The following SPMIP7 variants were observed in gnomAD, a reference collection of about 807,000 sequenced individuals.
SPMIP7 encodes the protein sperm microtubule inner protein 7, also known as protein SPMIP7.
chr7:50,132,153 A>G, the SPMIP7 span, among the ~76,000 whole-genome samples: 1 of 152,168 alleles, frequency 6.6e-6, no homozygotes. Context: ...AGTCTTGTTC[A>G]TCAGCCATCT....
At chr7:50,113,448 T>C in the SPMIP7 span, among the ~76,000 whole-genome samples, 3 of 152,170 alleles carry the variant, frequency 2.0e-5, no homozygotes, top group Non-Finnish European at 4.4e-5. Context: ...CTGTTTCATA[T>C]GTTCAGATCA....
the SPMIP7 span, among the ~76,000 whole-genome samples, chr7:50,120,913 T>C: frequency 6.6e-6 from 1 of 152,208 alleles, no homozygotes; most frequent in Non-Finnish European, 1.5e-5. Flanking sequence ...CTTTATTGCC[T>C]GAATTTTGAA....
the SPMIP7 span, among the ~76,000 whole-genome samples, chr7:50,105,680 C>G: frequency 6.6e-6 from 1 of 152,126 alleles, no homozygotes; most frequent in Non-Finnish European, 1.5e-5. Flanking sequence ...TTTCTTTGTC[C>G]TGTGCATTTT....
At chr7:50,136,467 A>AT in the SPMIP7 span, among the ~76,000 whole-genome samples, 127,080 of 152,074 alleles carry the variant, frequency 0.84, 53,149 homozygotes, top group East Asian at 0.92. Context: ...GGAGGCAGAG[A>AT]TGCAGTGAGC....
chr7:50,148,183 G>T, the SPMIP7 span, among the ~76,000 whole-genome samples: 87 of 152,352 alleles, frequency 5.7e-4, no homozygotes, highest in Non-Finnish European at 2.5e-4. Flanking sequence ...TTTAGAAGCA[G>T]TGTGGGTGAG....
chr7:50,132,646 G>A, the SPMIP7 span, among the ~76,000 whole-genome samples: 1 of 152,044 alleles, frequency 6.6e-6, no homozygotes, highest in East Asian at 1.9e-4. Context: ...TACAATACTA[G>A]TCAGATATGG....
chr7:50,097,409 G>A, the SPMIP7 span, among the ~76,000 whole-genome samples: 1 of 152,284 alleles, frequency 6.6e-6, no homozygotes, highest in East Asian at 1.9e-4. Context: ...AGCTAACATA[G>A]GGCTAAAATG....
the SPMIP7 span, among the ~76,000 whole-genome samples, chr7:50,116,624 T>A: frequency 6.6e-6 from 1 of 152,212 alleles, no homozygotes; most frequent in Non-Finnish European, 1.5e-5. Context: ...AATATGCTAT[T>A]ATCTGGAATG....
the SPMIP7 span, among the ~76,000 whole-genome samples, chr7:50,111,225 GAGTGGT>G: frequency 1.3e-5 from 2 of 151,730 alleles, no homozygotes; most frequent in Non-Finnish European, 2.9e-5. Flanking sequence ...CTGTGGATAA[GAGTGGT>G]TGTTTAACAG....
the SPMIP7 span, among the ~76,000 whole-genome samples, chr7:50,114,529 A>T: frequency 1.3e-5 from 2 of 152,136 alleles, no homozygotes; most frequent in Non-Finnish European, 2.9e-5. Context: ...AAAAATTTTT[A>T]AAGCATATGT....
the SPMIP7 span, among the ~76,000 whole-genome samples, chr7:50,134,612 G>A: frequency 1.3e-5 from 2 of 152,192 alleles, no homozygotes; most frequent in African/African-American, 4.8e-5. Flanking sequence ...AACCTATGCT[G>A]AAGATGGTTC....
the SPMIP7 span, among the ~76,000 whole-genome samples, chr7:50,152,413 C>T: frequency 1.3e-5 from 2 of 152,116 alleles, no homozygotes; most frequent in African/African-American, 4.8e-5. Context: ...TTTGAAGCTA[C>T]TAGTGAGAAG....
the SPMIP7 span, among the ~76,000 whole-genome samples, chr7:50,145,616 G>GTATATATATATATATATA: frequency 7.4e-5 from 2 of 26,950 alleles, no homozygotes; most frequent in Non-Finnish European, 1.3e-4. Flanking sequence ...GTATATGTGT[G>GTATATATATATATATATA]TGTATATATA....
At chr7:50,122,947 G>A in the SPMIP7 span, among the ~76,000 whole-genome samples, 2 of 149,410 alleles carry the variant, frequency 1.3e-5, no homozygotes, top group African/African-American at 4.9e-5. Flanking sequence ...GGAGAAATAG[G>A]AACACTTTTA....
chr7:50,112,067 AT>A, the SPMIP7 span, among the ~76,000 whole-genome samples: 1 of 152,150 alleles, frequency 6.6e-6, no homozygotes, highest in East Asian at 1.9e-4. Context: ...TTAAATACAA[AT>A]CAGTGACAAA....
the SPMIP7 span, among the ~76,000 whole-genome samples, chr7:50,142,993 C>A: frequency 6.6e-6 from 1 of 152,202 alleles, no homozygotes; most frequent in East Asian, 1.9e-4. Flanking sequence ...GTACAGAGAG[C>A]CATCCTATTG....
At chr7:50,142,942 A>G in the SPMIP7 span, 1 of 152,210 alleles carries the variant, frequency 6.6e-6, no homozygotes, top group African/African-American at 2.4e-5. Context: ...ATATGATGTC[A>G]TTTGCATAGG....
chr7:50,122,261 G>C, the SPMIP7 span, among the ~76,000 whole-genome samples: 1 of 151,764 alleles, frequency 6.6e-6, no homozygotes, highest in Non-Finnish European at 1.5e-5. Flanking sequence ...AAATAACGCC[G>C]CATATCTACA....
At chr7:50,096,651 A>C in the SPMIP7 span, 3 of 1,498,370 alleles carry the variant, frequency 2.0e-6, no homozygotes, top group Non-Finnish European at 2.7e-6. Context: ...AAATGAAGTG[A>C]CATGAACTTT....
Sources: gnomAD v4.1 joint callset for allele counts (sites outside exome capture counted in the v4.1 genomes callset) on GRCh38, gnomAD v4.1.1 for gene constraint, MANE v1.5 for transcripts, NCBI Gene and HGNC (gene_info 2026-07-23, HGNC 2026-07-21) for gene names.